Variants in TNS1 observed in about 807,000 individuals in gnomAD.
The protein encoded by TNS1 is tensin-1.
In TNS1, 62 loss-of-function variants were observed where a neutral mutation model predicts 168.6. The ratio of observed to expected loss-of-function variants is 0.37; its 90% CI spans 0.30 to 0.45. TNS1 has a LOEUF of 0.45. Among genes scored for constraint, TNS1 ranks in the 20% least tolerant of loss-of-function variants. The pLI, the probability that TNS1 is intolerant of heterozygous loss-of-function variation, is 1.00. For synonymous variants in TNS1, 934 were observed against 933.2 expected, an observed-to-expected ratio of 1.00 and a Z score of -0.02; for missense variants, 2,240 against 2,339.4, an observed-to-expected ratio of 0.96 and a Z score of 0.88.
Position 217,897,981 on chromosome 2 carries a change from G to A in TNS1, c.372-12C>T. ...TCACACTCATGTTTCTAGGGAGACA[G>A]CAGGCAGCGGAGGGTCCATATCAGA... On this transcript the variant is annotated splice_polypyrimidine_tract_variant and intron_variant, in intron 7 of 32. Transcript: ENST00000682258. 1 of 1,595,426 alleles carries A rather than the reference G, an allele frequency of 6.3e-7. No homozygotes were observed. The highest frequency in any genetic ancestry group is 8.5e-7 in the Non-Finnish European group (1 of 1,170,550).
At chr2:218,005,816 C>A (rs1297326828), upstream of TNS1, among the ~76,000 whole-genome samples, 1 of 152,254 alleles carries the variant, frequency 6.6e-6, no homozygotes, top group African/African-American at 2.4e-5. Context: ...GGGCCTCAGG[C>A]AGCCCTGCCT....
chr2:218,021,903 C>T (rs1958809270), intron 1 of TNS1, among the ~76,000 whole-genome samples: 2 of 152,202 alleles, frequency 1.3e-5, no homozygotes, highest in Admixed American at 1.3e-4. Context: ...AGCAGGCTGG[C>T]CAGGGTGAAG....
chr2:217,909,602 C>CACACA (rs1033923617), intron 4 of TNS1, among the ~76,000 whole-genome samples: 1 of 151,100 alleles, frequency 6.6e-6, no homozygotes, highest in African/African-American at 2.5e-5. Context: ...CACACACACA[C>CACACA]AGTTAGACCT....
At chr2:217,859,725 G>A (rs1420853271) in intron 18 of TNS1, 2 of 1,521,730 alleles carry the variant, frequency 1.3e-6, no homozygotes, top group Non-Finnish European at 1.8e-6. Flanking sequence ...GAATAGCAGA[G>A]TATCACTTTT....
At chr2:218,026,897 C>G (rs1259355949) in intron 1 of TNS1, among the ~76,000 whole-genome samples, 1 of 152,222 alleles carries the variant, frequency 6.6e-6, no homozygotes, top group Admixed American at 6.5e-5. Context: ...TGAAACTGAG[C>G]CAAGAGGACA....
At chr2:217,851,123 A>C (rs1039356021) in intron 18 of TNS1, among the ~76,000 whole-genome samples, 3 of 145,848 alleles carry the variant, frequency 2.1e-5, no homozygotes, top group Non-Finnish European at 4.5e-5. Flanking sequence ...TCATATCACA[A>C]ACACACACAC....
chr2:217,961,651 G>T (rs1435030089), intron 3 of TNS1, among the ~76,000 whole-genome samples: 2 of 152,138 alleles, frequency 1.3e-5, no homozygotes, highest in Non-Finnish European at 2.9e-5. Context: ...AAGATGCCAG[G>T]ACCTGAATGA....
At chr2:217,858,529 G>A (rs74771548) in intron 18 of TNS1, 30,228 of 986,096 alleles carry the variant, frequency 0.031, 532 homozygotes, top group Non-Finnish European at 0.033. Context: ...GAAGCGGAGG[G>A]AAGCCCGCTC....
chr2:217,963,188 C>A (rs1383721472), intron 3 of TNS1, among the ~76,000 whole-genome samples: 1 of 152,142 alleles, frequency 6.6e-6, no homozygotes, highest in Non-Finnish European at 1.5e-5. Context: ...TCCCGAGATA[C>A]CTCCAGGAAT....
chr2:217,898,350 A>G (rs561892676), intron 7 of TNS1, among the ~76,000 whole-genome samples: 1 of 152,340 alleles, frequency 6.6e-6, no homozygotes, highest in Non-Finnish European at 1.5e-5. Context: ...CTGCCTGGCC[A>G]GGCAGAAGTC....
intron 3 of TNS1, chr2:217,937,192 CTA>C (rs1559375241): frequency 2.4e-5 from 9 of 373,898 alleles, no homozygotes; most frequent in African/African-American, 1.7e-4. Context: ...CCCTACTCCC[CTA>C]CTCCCCCCAC....
chr2:217,919,862 C>T (rs1334247220), intron 4 of TNS1, among the ~76,000 whole-genome samples: 2 of 152,240 alleles, frequency 1.3e-5, no homozygotes, highest in Non-Finnish European at 2.9e-5. Flanking sequence ...ACCAGGCAGG[C>T]AGAAGGAGAT....
chr2:218,016,568 C>T (rs1266858715), intron 1 of TNS1, among the ~76,000 whole-genome samples: 1 of 152,192 alleles, frequency 6.6e-6, no homozygotes, highest in East Asian at 1.9e-4. Flanking sequence ...CAGTGCCCCA[C>T]TCAGCCCGGG....
intron 4 of TNS1, among the ~76,000 whole-genome samples, chr2:217,912,303 G>A (rs1954506541): frequency 6.6e-6 from 1 of 152,252 alleles, no homozygotes; most frequent in Admixed American, 6.5e-5. Flanking sequence ...GGGCCGAGGG[G>A]AAGGGGATTG....
intron 18 of TNS1, chr2:217,858,491 C>T (rs1948429416): frequency 3.0e-6 from 3 of 985,408 alleles, no homozygotes; most frequent in Non-Finnish European, 3.6e-6. Context: ...CAGACACTTA[C>T]CCTCTGGAGG....
intron 3 of TNS1, among the ~76,000 whole-genome samples, chr2:217,964,867 T>TA (rs1321834062): frequency 1.3e-5 from 2 of 152,158 alleles, no homozygotes; most frequent in African/African-American, 4.8e-5. Context: ...CCAAGACACA[T>TA]ACACCCCTCT....
chr2:217,974,158 G>A (rs1957835792), intron 3 of TNS1, among the ~76,000 whole-genome samples: 1 of 152,216 alleles, frequency 6.6e-6, no homozygotes, highest in Non-Finnish European at 1.5e-5. Context: ...CATAAGGGTT[G>A]CTTTTTGGGT....
rs773056635 is a variant in TNS1, at chr2:217,809,881, T to C, written c.5215A>G (p.Thr1739Ala). The change falls in exon 30 of 33, where the codon ACC becomes GCC. Residue 1739 changes from threonine (T) to alanine (A), a missense_variant. By Grantham distance (58) the Thr-to-Ala change is moderately conservative. Around this residue, in one of 2 missense-constraint regions of TNS1, gnomAD observed 109 missense variants for 168.1 expected, o/e 0.65. Transcript: ENST00000682258. ...GCAGAGACTTTGAAGTGAACGATGG[T>C]GGCAGCTGGCGTGGGGTCTGCAGCC... ...TLAADPTPAA[T>A]IVHFKVSAQG... The C allele has an allele frequency of 5.0e-6, 8 of 1,614,068 alleles. No homozygotes were observed. The Admixed American group carries it at 1.2e-4, about 24-fold the overall frequency.
intron 1 of TNS1, among the ~76,000 whole-genome samples, chr2:218,021,744 G>A (rs1328168439): frequency 6.6e-6 from 1 of 152,228 alleles, no homozygotes; most frequent in Non-Finnish European, 1.5e-5. Flanking sequence ...GGCCCCAGCA[G>A]ACATGTCCCC....
Sources: allele counts gnomAD v4.1 joint callset (sites outside exome capture counted in the v4.1 genomes callset), GRCh38; gene constraint gnomAD v4.1.1; regional missense constraint gnomAD v4.1.1; transcripts MANE v1.5; gene names NCBI Gene and HGNC (gene_info 2026-07-23, HGNC 2026-07-21).